Variants in PIP5K1B observed in about 807,000 individuals in gnomAD.
PIP5K1B encodes the protein phosphatidylinositol-4-phosphate 5-kinase type 1 beta.
PIP5K1B carries 42 observed loss-of-function variants against 67.0 expected under a neutral mutation model. That is an observed-to-expected ratio of 0.63 (90% confidence interval 0.49 to 0.81). The LOEUF (loss-of-function observed/expected upper bound fraction) is 0.81, where lower values mean the gene tolerates loss of function less well. PIP5K1B is among the 30% of genes least tolerant of loss of function. PIP5K1B has a pLI of 0.00. For missense variants in PIP5K1B, 459 were observed against 646.3 expected (o/e 0.71, Z 3.14); for synonymous variants, 214 against 231.4 (o/e 0.92, Z 0.68).
chr9:68,780,248 C>CG, intron 2 of PIP5K1B: 1 of 1,543,022 alleles, frequency 6.5e-7, no homozygotes, highest in Non-Finnish European at 8.7e-7. Context: ...GCAGCGGCGG[C>CG]GGCGGGGGCC....
intron 2 of PIP5K1B, chr9:68,780,211 C>A: frequency 6.5e-7 from 1 of 1,537,010 alleles, no homozygotes; most frequent in Admixed American, 2.2e-5. Flanking sequence ...CCTCCGGGTA[C>A]GGGCGGGAGC....
At chr9:68,718,119 T>C (rs548756687) in intron 1 of PIP5K1B, among the ~76,000 whole-genome samples, 3 of 152,366 alleles carry the variant, frequency 2.0e-5, no homozygotes, top group South Asian at 2.1e-4. Flanking sequence ...TCCACTCCTA[T>C]GAAACCACAG....
intron 14 of PIP5K1B, among the ~76,000 whole-genome samples, chr9:68,960,048 G>A (rs1828630895): frequency 6.6e-6 from 1 of 152,172 alleles, no homozygotes; most frequent in South Asian, 2.1e-4. Flanking sequence ...TGTTTCTGCA[G>A]AGCACATCCC....
chr9:68,792,616 C>T (rs967489327), intron 2 of PIP5K1B, among the ~76,000 whole-genome samples: 2 of 152,002 alleles, frequency 1.3e-5, no homozygotes, highest in Admixed American at 6.6e-5. Context: ...GTAGGTGGGA[C>T]TACAGGCACC....
chr9:68,866,530 TAGAA>T (rs1823363256), intron 5 of PIP5K1B, among the ~76,000 whole-genome samples: 1 of 152,098 alleles, frequency 6.6e-6, no homozygotes, highest in South Asian at 2.1e-4. Context: ...ATGCATGAAA[TAGAA>T]AGGCTAAATA....
intron 14 of PIP5K1B, among the ~76,000 whole-genome samples, chr9:68,955,887 G>A (rs73647040): frequency 0.047 from 7,211 of 152,170 alleles, 224 homozygotes; most frequent in African/African-American, 0.081. Context: ...TGTACTGTAT[G>A]CAATGTAGTC....
At chr9:68,928,411 A>G (rs1397912223) in intron 12 of PIP5K1B, among the ~76,000 whole-genome samples, 1 of 152,174 alleles carries the variant, frequency 6.6e-6, no homozygotes, top group Non-Finnish European at 1.5e-5. Flanking sequence ...ACATCCCATA[A>G]ATGTGGGATT....
intron 1 of PIP5K1B, among the ~76,000 whole-genome samples, chr9:68,718,316 A>G (rs928704229): frequency 1.3e-5 from 2 of 152,234 alleles, no homozygotes; most frequent in African/African-American, 4.8e-5. Flanking sequence ...AACCTGGGAA[A>G]TGTCTGTATT....
chr9:68,925,703 T>G (rs970008674), intron 12 of PIP5K1B, among the ~76,000 whole-genome samples: 9 of 152,048 alleles, frequency 5.9e-5, no homozygotes, highest in African/African-American at 2.2e-4. Flanking sequence ...TCACCGTAAA[T>G]TATTTGCCCA....
At chr9:68,970,212 T>G (rs1489901151) in intron 14 of PIP5K1B, among the ~76,000 whole-genome samples, 8 of 152,222 alleles carry the variant, frequency 5.3e-5, no homozygotes, top group Non-Finnish European at 8.8e-5. Context: ...AATCATTGAC[T>G]GATAAAATCT....
At chr9:68,742,383 A>C (rs554804931) in intron 1 of PIP5K1B, 118 bp from the exon 2 acceptor site, 50 of 152,356 alleles carry the variant, frequency 3.3e-4, no homozygotes, top group African/African-American at 1.2e-3. Flanking sequence ...ATGTAGAACT[A>C]ACCACCATTT....
chr9:68,752,374 A>G (rs1564108324), intron 2 of PIP5K1B, among the ~76,000 whole-genome samples: 1 of 152,244 alleles, frequency 6.6e-6, no homozygotes, highest in Non-Finnish European at 1.5e-5. Context: ...GGTCACTTAC[A>G]TAGTTAGTGC....
chr9:68,786,154 G>A (rs1420996734), intron 2 of PIP5K1B: 1 of 152,182 alleles, frequency 6.6e-6, no homozygotes, highest in Non-Finnish European at 1.5e-5. Context: ...TGGCAGCCAA[G>A]ATTTTCACCA....
intron 15 of PIP5K1B, among the ~76,000 whole-genome samples, chr9:68,998,040 C>CTTTCTTTT (rs35888296): frequency 2.0e-5 from 3 of 149,508 alleles, no homozygotes; most frequent in African/African-American, 7.4e-5. Flanking sequence ...TTGATTTCTA[C>CTTTCTTTT]TTTCTTTTTT....
chr9:68,707,576 C>G (rs1189565885), intron 1 of PIP5K1B: 1 of 152,194 alleles, frequency 6.6e-6, no homozygotes. Flanking sequence ...CATAGTCTCA[C>G]TGTAAATTAC....
intron 2 of PIP5K1B, among the ~76,000 whole-genome samples, chr9:68,750,244 T>G (rs910330569): frequency 5.3e-5 from 8 of 152,168 alleles, no homozygotes; most frequent in African/African-American, 1.9e-4. Flanking sequence ...GCACATGTTT[T>G]AATATTAAAC....
chr9:68,947,688 A>G (rs1827866075), intron 14 of PIP5K1B, among the ~76,000 whole-genome samples: 1 of 152,214 alleles, frequency 6.6e-6, no homozygotes, highest in Non-Finnish European at 1.5e-5. Context: ...CATGGAACCA[A>G]TTTATTCTCA....
intron 1 of PIP5K1B, among the ~76,000 whole-genome samples, chr9:68,711,339 G>A (rs567206015): frequency 6.6e-6 from 1 of 152,230 alleles, no homozygotes; most frequent in East Asian, 1.9e-4. Context: ...AATAAAGTAA[G>A]GAAACAAAAC....
intron 14 of PIP5K1B, among the ~76,000 whole-genome samples, chr9:68,962,559 A>G (rs754334845): frequency 3.9e-5 from 6 of 152,200 alleles, no homozygotes; most frequent in Non-Finnish European, 8.8e-5. Flanking sequence ...GAGGTTTACT[A>G]ATTGCTTTAC....
Sources: gnomAD v4.1 joint callset for allele counts (sites outside exome capture counted in the v4.1 genomes callset) on GRCh38, gnomAD v4.1.1 for gene constraint, MANE v1.5 for transcripts, NCBI Gene and HGNC (gene_info 2026-07-23, HGNC 2026-07-21) for gene names.